Variants in MAP3K21 observed in about 807,000 individuals in gnomAD.
MAP3K21 encodes mitogen-activated protein kinase kinase kinase 21.
MAP3K21 carries 63 observed loss-of-function variants against 86.1 expected under a neutral mutation model. That is an observed-to-expected ratio of 0.73 (90% CI 0.60 to 0.90). MAP3K21 has a LOEUF of 0.90. Among genes scored for constraint, MAP3K21 ranks in the 40% least tolerant of loss-of-function variants. The probability of loss-of-function intolerance (pLI) is 0.00; values close to 1 mark genes in which losing one functional copy is unlikely to be tolerated. For missense variants in MAP3K21, 1,220 were observed against 1,367.7 expected (o/e 0.89, Z 1.70); for synonymous variants, 558 against 564.8 (o/e 0.99, Z 0.17).
At chr1:233,376,347 A>G in intron 7 of MAP3K21, 83 bp from the exon 8 acceptor site, 1 of 992,862 alleles carries the variant, frequency 1.0e-6, no homozygotes, top group South Asian at 1.4e-5. Context: ...TACCTTAAAA[A>G]TATTGTTGGT....
chr1:233,344,763 G>A (rs1459619231), intron 1 of MAP3K21, among the ~76,000 whole-genome samples: 7 of 152,168 alleles, frequency 4.6e-5, no homozygotes, highest in Non-Finnish European at 1.0e-4. Flanking sequence ...CTTCTGCACA[G>A]CAAAAGAAAC....
chr1:233,378,058 T>C (rs908260967), intron 8 of MAP3K21, among the ~76,000 whole-genome samples: 3 of 152,204 alleles, frequency 2.0e-5, no homozygotes, highest in Non-Finnish European at 4.4e-5. Flanking sequence ...CACTTCCTGC[T>C]GTGCAGCCTG....
chr1:233,381,440 G>A (rs546330754), intron 9 of MAP3K21, among the ~76,000 whole-genome samples: 1 of 152,298 alleles, frequency 6.6e-6, no homozygotes, highest in East Asian at 1.9e-4. Context: ...TGAATATTAA[G>A]TGAGGTAATA....
At chr1:233,379,952 A>T (rs902938550) in intron 9 of MAP3K21, among the ~76,000 whole-genome samples, 1 of 152,240 alleles carries the variant, frequency 6.6e-6, no homozygotes. Flanking sequence ...AAGCAGAAAG[A>T]ACACATGGAG....
Position 233,353,891 on chromosome 1 carries a change from A to G in MAP3K21, c.1071A>G (p.Ala357=). The G allele has an allele frequency of 8.7e-6, 14 of 1,613,490 alleles. No homozygotes were observed. The highest frequency in any genetic ancestry group is 1.2e-5 in the Non-Finnish European group (14 of 1,179,780). ...IDGLAVAYGV[A]VNKLTLPIPS... ...GCCTCGCCGTGGCTTATGGGGTAGC[A>G]GTCAATAAACTCACTTTGCCCATTC... The change falls in exon 3 of 10, where the codon GCA becomes GCG. Residue 357 remains alanine, a synonymous_variant. Coordinates refer to ENST00000366624, the MANE Select transcript of MAP3K21 (RefSeq NM_032435.3).
intron 1 of MAP3K21, among the ~76,000 whole-genome samples, chr1:233,340,001 T>G (rs1264577389): frequency 6.6e-6 from 1 of 152,084 alleles, no homozygotes; most frequent in East Asian, 1.9e-4. Context: ...CTGTGCAGTA[T>G]TAAAAAAAAA....
chr1:233,355,610 A>G (rs990396334), intron 4 of MAP3K21, among the ~76,000 whole-genome samples: 26 of 152,316 alleles, frequency 1.7e-4, no homozygotes, highest in African/African-American at 6.3e-4. Context: ...GGGGCTGCAT[A>G]TAATCTCTTG....
chr1:233,346,696 A>G, intron 2 of MAP3K21, 74 bp downstream of exon 2: 1 of 1,286,356 alleles, frequency 7.8e-7, no homozygotes, highest in Admixed American at 2.4e-5. Context: ...CAAAGTATTC[A>G]GTAATTCTCA....
chr1:233,347,044 T>TTG (rs913400274), intron 2 of MAP3K21, among the ~76,000 whole-genome samples: 10 of 151,550 alleles, frequency 6.6e-5, no homozygotes, highest in South Asian at 2.1e-4. Context: ...CCTGGCTAAT[T>TTG]TGTGTGTGTG....
In MAP3K21 at chr1:233,362,186, T is replaced by C; in HGVS notation, c.1445T>C (p.Leu482Pro). The C allele has an allele frequency of 6.2e-7, 1 of 1,614,196 alleles. No homozygotes were observed. The highest frequency in any genetic ancestry group is 1.1e-5 in the South Asian group (1 of 91,084). ...GTGCTGGAGCGGGAACTTAACATTCTGATATTCCAGCTAAACCAGGAGAAG... is the reference window on the plus strand; with the variant it reads ...GTGCTGGAGCGGGAACTTAACATTCCGATATTCCAGCTAAACCAGGAGAAG... ...IDVLERELNILIFQLNQEKPK... is the reference protein window; with the variant it reads ...IDVLERELNIPIFQLNQEKPK... Residue 482 changes from leucine (L) to proline (P), a missense_variant, in exon 5 of 10, where the codon CTG becomes CCG. Physicochemically the swap from Leu to Pro is moderately conservative, Grantham distance 98. Transcript: ENST00000366624.
chr1:233,345,849 G>A (rs1422190786), intron 1 of MAP3K21, among the ~76,000 whole-genome samples: 2 of 152,002 alleles, frequency 1.3e-5, no homozygotes, highest in Non-Finnish European at 2.9e-5. Flanking sequence ...TTCCCCCTGT[G>A]CATCCTCTAC....
chr1:233,370,986 T>C (rs1459823036), intron 5 of MAP3K21, among the ~76,000 whole-genome samples: 2 of 152,220 alleles, frequency 1.3e-5, no homozygotes, highest in African/African-American at 4.8e-5. Flanking sequence ...TATCCAGTAA[T>C]GTCTTTTACC....
At position 233,328,286 on chromosome 1, in the gene MAP3K21, G is replaced by A; in HGVS notation, c.258G>A (p.Gln86=). The part of the protein sequence containing the change: ...GDEGWWAGQV[Q]RRLGIFPANY... The stretch of plus-strand genomic sequence containing the variant: ...AGGGCTGGTGGGCAGGCCAGGTGCA[G>A]CGGCGCCTCGGCATCTTCCCCGCCA... The change falls in exon 1 of 10, where the codon CAG becomes CAA. Residue 86 remains glutamine (Q), a synonymous_variant. Transcript: ENST00000366624. The surrounding 1 kb of genome is among the most constrained non-coding windows in gnomAD (Gnocchi z 8.7). 6.7e-7 allele frequency: 1 copy of A among 1,488,422 alleles called. No homozygotes were observed. The highest frequency in any genetic ancestry group is 8.9e-7 in the Non-Finnish European group (1 of 1,127,132). 92.2% of individuals were successfully genotyped at this position (1,488,422 alleles called of 1,614,324 possible). A position where few individuals can be genotyped will look rare whatever the true frequency, so the allele number is the denominator to read the frequency against.
intron 1 of MAP3K21, among the ~76,000 whole-genome samples, chr1:233,332,474 G>C (rs541575595): frequency 6.6e-6 from 1 of 152,138 alleles, no homozygotes; most frequent in Non-Finnish European, 1.5e-5. Flanking sequence ...AGAGGCATGC[G>C]TGGGGCAGGC....
chr1:233,383,797 T>C lies in MAP3K21; in HGVS notation c.*1086T>C, dbSNP rs567793115. On this transcript the variant is annotated 3_prime_UTR_variant, in exon 10 of 10. Transcript: ENST00000366624. ...TGTTATTTCACATTTCATTTAATTG[T>C]GGATAAATGTTAGACATCTGTTGAA... 93 of 152,324 alleles carry C rather than the reference T, an allele frequency of 6.1e-4. 2 individuals carry two copies. In the South Asian group the frequency reaches 0.019, roughly 31 times the overall value. 9.4% of individuals were successfully genotyped at this position (152,324 alleles called of 1,614,324 possible).
Position 233,328,496 on chromosome 1 carries a change from C to A in MAP3K21, c.468C>A (p.Asp156Glu), listed in dbSNP as rs1021675837. Residue 156 changes from aspartate (D) to glutamate (E), a missense_variant, in exon 1 of 10, where the codon GAC (aspartate) becomes GAA (glutamate). This residue lies in a region of MAP3K21 where 369 missense variants were observed against 385.3 expected (regional missense o/e 0.96). Coordinates refer to ENST00000366624, the MANE Select transcript of MAP3K21 (RefSeq NM_032435.3). This position sits in a 1 kb window ranked among gnomAD's most constrained non-coding sequence, Gnocchi z 8.7. ...QEVAVKAARQDPEQDAAAAAE... is the reference protein window; with the variant it reads ...QEVAVKAARQEPEQDAAAAAE... ...TGGCCGTGAAGGCGGCGCGCCAGGA[C>A]CCGGAGCAGGACGCGGCGGCGGCTG... is the stretch of plus-strand genomic sequence containing the variant. The A allele has an allele frequency of 2.6e-5, 40 of 1,519,108 alleles. No homozygotes were observed. Among genetic ancestry groups the A allele is most frequent in the Non-Finnish European group, 3.2e-5 (37 of 1,143,848 alleles). The allele number at this position is 1,519,108 out of a possible 1,614,324, so 94.1% of individuals were successfully genotyped here.
At chr1:233,335,188 G>T (rs1400580763) in intron 1 of MAP3K21, among the ~76,000 whole-genome samples, 1 of 151,980 alleles carries the variant, frequency 6.6e-6, no homozygotes, top group Non-Finnish European at 1.5e-5. Flanking sequence ...CCCAATGAAG[G>T]AATTTTAATG....
chr1:233,341,719 C>A (rs1045903511), intron 1 of MAP3K21, among the ~76,000 whole-genome samples: 8 of 152,060 alleles, frequency 5.3e-5, no homozygotes, highest in Non-Finnish European at 8.8e-5. Context: ...GGCTGCCAGC[C>A]CTTACTTGGG....
chr1:233,374,805 A>G (rs932904713), intron 6 of MAP3K21, among the ~76,000 whole-genome samples: 1 of 151,430 alleles, frequency 6.6e-6, no homozygotes, highest in Non-Finnish European at 1.5e-5. Flanking sequence ...TATCATCTGT[A>G]CCTCATTTTT....
Sources: gnomAD v4.1 joint callset for allele counts (sites outside exome capture counted in the v4.1 genomes callset) on GRCh38, gnomAD v4.1.1 for gene constraint, gnomAD v4.1.1 regional missense constraint, Gnocchi (gnomAD v3.1) non-coding constraint, MANE v1.5 for transcripts, NCBI Gene and HGNC (gene_info 2026-07-23, HGNC 2026-07-21) for gene names.